KCNQ3: variants seen among roughly 807,000 people sequenced by gnomAD.
KCNQ3 encodes the protein potassium voltage-gated channel subfamily Q member 3, also known as potassium voltage-gated channel subfamily KQT member 3.
A neutral mutation model predicts 92.5 loss-of-function variants in KCNQ3; 30 were observed. That is an observed-to-expected ratio of 0.32 (90% CI 0.24 to 0.44). The LOEUF is 0.44. Among genes scored for constraint, KCNQ3 ranks in the 20% least tolerant of loss-of-function variants. The pLI, the probability that KCNQ3 is intolerant of heterozygous loss-of-function variation, is 1.00. For missense variants in KCNQ3, 913 were observed against 1,140.3 expected (o/e 0.80, Z 2.87); for synonymous variants, 450 against 468.8 (o/e 0.96, Z 0.52).
At chr8:132,197,898 C>CA in intron 1 of KCNQ3, among the ~76,000 whole-genome samples, 1 of 152,182 alleles carries the variant, frequency 6.6e-6, no homozygotes, top group Middle Eastern at 3.4e-3. Flanking sequence ...AAACGGGTAC[C>CA]AAAAAGGAAA....
intron 1 of KCNQ3, among the ~76,000 whole-genome samples, chr8:132,193,080 G>T (rs1410111058): frequency 2.0e-5 from 3 of 151,750 alleles, no homozygotes; most frequent in African/African-American, 7.3e-5. Context: ...TCCTTCCTCT[G>T]CGCCTTGCCC....
intron 1 of KCNQ3, among the ~76,000 whole-genome samples, chr8:132,420,152 G>A (rs1046395283): frequency 6.6e-6 from 1 of 152,110 alleles, no homozygotes; most frequent in Non-Finnish European, 1.5e-5. Context: ...GGAGATGGGA[G>A]AGGGCTCTGG....
rs76180319 is a variant in KCNQ3 at position 132,281,838 on chromosome 8, A to C, written c.387-95657T>G. Among the ~76,000 whole-genome samples, 536 of 152,268 alleles carry C rather than the reference A, an allele frequency of 3.5e-3. 3 individuals carry two copies. Among genetic ancestry groups the C allele is most frequent in the African/African-American group, 0.012 (503 of 41,544 alleles). ...ACGGGGTGGAGCCCCAGGTCCTGTC[A>C]AAGATCAAGGTGCTCCCTGAGCACT... On this transcript the variant is annotated intron_variant, in intron 1 of 14. Transcript: ENST00000388996.
chr8:132,356,767 T>G (rs888073983), intron 1 of KCNQ3, among the ~76,000 whole-genome samples: 1 of 152,164 alleles, frequency 6.6e-6, no homozygotes, highest in Non-Finnish European at 1.5e-5. Context: ...AAATAAATAT[T>G]CATTGAGTTG....
intron 1 of KCNQ3, among the ~76,000 whole-genome samples, chr8:132,281,850 G>T (rs1395956116): frequency 6.6e-6 from 1 of 152,194 alleles, no homozygotes; most frequent in Non-Finnish European, 1.5e-5. Context: ...AGATCAAGGT[G>T]CTCCCTGAGC....
At chr8:132,403,014 C>CCCAAAAA (rs1554651745) in intron 1 of KCNQ3, among the ~76,000 whole-genome samples, 1 of 2,424 alleles carries the variant, frequency 4.1e-4, no homozygotes, top group Non-Finnish European at 8.5e-4. Context: ...GAGGCACCAT[C>CCCAAAAA]ACAAAAAAAA....
intron 1 of KCNQ3, among the ~76,000 whole-genome samples, chr8:132,229,279 T>C (rs1022030239): frequency 6.7e-6 from 1 of 150,308 alleles, no homozygotes; most frequent in Admixed American, 6.6e-5. Flanking sequence ...AAAAAAAAAT[T>C]CTGGATATGA....
chr8:132,321,748 C>T (rs1227311816), intron 1 of KCNQ3, among the ~76,000 whole-genome samples: 1 of 152,208 alleles, frequency 6.6e-6, no homozygotes, highest in Non-Finnish European at 1.5e-5. Context: ...ACACCATTCA[C>T]TACCACACCC....
chr8:132,273,415 T>C (rs7840021), intron 1 of KCNQ3, among the ~76,000 whole-genome samples: 89,210 of 152,086 alleles, frequency 0.59, 27,255 homozygotes, highest in East Asian at 0.82. Flanking sequence ...CACCAAGTCC[T>C]TAGGCTGCAC....
At chr8:132,364,997 T>C (rs1435910309) in intron 1 of KCNQ3, among the ~76,000 whole-genome samples, 1 of 152,156 alleles carries the variant, frequency 6.6e-6, no homozygotes, top group East Asian at 1.9e-4. Flanking sequence ...TCTCCTATTG[T>C]CCACCTTCAT....
intron 1 of KCNQ3, among the ~76,000 whole-genome samples, chr8:132,406,633 A>AAC (rs367623604): frequency 1.3e-5 from 2 of 151,762 alleles, no homozygotes; most frequent in African/African-American, 4.8e-5. Context: ...CATGGACACG[A>AAC]ACACACACAC....
intron 1 of KCNQ3, among the ~76,000 whole-genome samples, chr8:132,443,007 TA>T (rs781410333): frequency 1.1e-4 from 17 of 152,172 alleles, no homozygotes; most frequent in Non-Finnish European, 2.5e-4. Context: ...GCTCAGGCCA[TA>T]AATCCTCATC....
At chr8:132,376,678 C>A (rs140612731) in intron 1 of KCNQ3, among the ~76,000 whole-genome samples, 6 of 152,350 alleles carry the variant, frequency 3.9e-5, no homozygotes, top group African/African-American at 1.4e-4. Flanking sequence ...CTCACATTTG[C>A]ATATCTTTTG....
intron 1 of KCNQ3, among the ~76,000 whole-genome samples, chr8:132,203,407 A>G (rs1195243461): frequency 1.3e-5 from 2 of 152,208 alleles, no homozygotes; most frequent in Non-Finnish European, 2.9e-5. Flanking sequence ...GTCTCAAACC[A>G]GTCTCAGCAA....
intron 1 of KCNQ3, among the ~76,000 whole-genome samples, chr8:132,342,642 G>C (rs575367285): frequency 1.3e-5 from 2 of 152,342 alleles, no homozygotes; most frequent in East Asian, 3.9e-4. Flanking sequence ...ACTAGAGTTT[G>C]CCACCAGTTT....
chr8:132,184,497 GCT>G, intron 2 of KCNQ3, 130 bp from the exon 3 acceptor site: 2 of 978,624 alleles, frequency 2.0e-6, no homozygotes, highest in East Asian at 2.8e-5. Context: ...GGCAGGGATG[GCT>G]GGGGATGGGG....
intron 1 of KCNQ3, among the ~76,000 whole-genome samples, chr8:132,224,722 C>G (rs1240201846): frequency 2.0e-5 from 3 of 151,194 alleles, no homozygotes; most frequent in Non-Finnish European, 4.4e-5. Flanking sequence ...ATTTTCTAGT[C>G]CATATTCAAC....
At chr8:132,412,856 C>G (rs950158077) in intron 1 of KCNQ3, among the ~76,000 whole-genome samples, 6 of 152,196 alleles carry the variant, frequency 3.9e-5, no homozygotes, top group African/African-American at 1.4e-4. Flanking sequence ...CCAAACAAAC[C>G]TAGCACTTAG....
chr8:132,417,313 C>T (rs1452049145), intron 1 of KCNQ3, among the ~76,000 whole-genome samples: 2 of 152,114 alleles, frequency 1.3e-5, no homozygotes, highest in Admixed American at 6.6e-5. Context: ...AAACTGATGG[C>T]TCTTGGAGGA....
Sources: allele counts gnomAD v4.1 joint callset (sites outside exome capture counted in the v4.1 genomes callset), GRCh38; gene constraint gnomAD v4.1.1; transcripts MANE v1.5; gene names NCBI Gene and HGNC (gene_info 2026-07-23, HGNC 2026-07-21).